The following COL23A1 variants were observed in gnomAD, a reference collection of about 807,000 sequenced individuals.
COL23A1 encodes the protein collagen alpha-1(XXIII) chain.
A neutral mutation model predicts 99.3 loss-of-function variants in COL23A1; 97 were observed. The observed-to-expected ratio is 0.98, with a 90% CI of 0.83 to 1.16. The LOEUF (loss-of-function observed/expected upper bound fraction) is 1.16. COL23A1 is among the 50% of genes most tolerant of loss of function. The probability of loss-of-function intolerance (pLI) is 0.00; values close to 1 mark genes in which losing one functional copy is unlikely to be tolerated. For missense variants in COL23A1, 762 were observed against 757.4 expected (o/e 1.01, Z -0.07); for synonymous variants, 320 against 308.2 (o/e 1.04, Z -0.40).
chr5:178,569,229 T>C (rs1762973479), intron 1 of COL23A1, among the ~76,000 whole-genome samples: 2 of 152,226 alleles, frequency 1.3e-5, no homozygotes, highest in African/African-American at 4.8e-5. Flanking sequence ...CCTTTGCCCA[T>C]GTTAAAATTG....
intron 2 of COL23A1, among the ~76,000 whole-genome samples, chr5:178,523,167 T>TAC (rs1562051551): frequency 7.2e-5 from 8 of 110,898 alleles, no homozygotes; most frequent in African/African-American, 2.2e-4. Flanking sequence ...TATATACATA[T>TAC]ATATATATAT....
intron 2 of COL23A1, among the ~76,000 whole-genome samples, chr5:178,397,983 G>T (rs371033857): frequency 1.7e-4 from 26 of 150,904 alleles, no homozygotes; most frequent in African/African-American, 5.1e-4. Flanking sequence ...GAGACTTCAT[G>T]TCAAAAAAAA....
chr5:178,356,911 T>TGC (rs974667597), intron 2 of COL23A1, among the ~76,000 whole-genome samples: 6 of 152,066 alleles, frequency 3.9e-5, no homozygotes, highest in Admixed American at 3.9e-4. Context: ...AGCACACCCG[T>TGC]GCCCACCTCT....
intron 2 of COL23A1, among the ~76,000 whole-genome samples, chr5:178,491,859 G>C (rs576872566): frequency 4.9e-4 from 74 of 151,954 alleles, no homozygotes; most frequent in South Asian, 1.9e-3. Flanking sequence ...CTCAGCCTCC[G>C]GAGTAGCTGG....
At chr5:178,322,168 A>G (rs141634604) in intron 2 of COL23A1, among the ~76,000 whole-genome samples, 20 of 151,318 alleles carry the variant, frequency 1.3e-4, no homozygotes, top group African/African-American at 4.4e-4. Context: ...AATTTTTTCT[A>G]TTTTTAGCAG....
chr5:178,289,419 G>A (rs1466587651), intron 4 of COL23A1, among the ~76,000 whole-genome samples: 4 of 152,148 alleles, frequency 2.6e-5, no homozygotes, highest in African/African-American at 7.2e-5. Flanking sequence ...GCCTCTGGCC[G>A]GCCAGGAGAA....
At chr5:178,336,639 C>T (rs1198183404) in intron 2 of COL23A1, among the ~76,000 whole-genome samples, 3 of 152,114 alleles carry the variant, frequency 2.0e-5, no homozygotes, top group Admixed American at 1.3e-4. Context: ...TGCTTTGGAA[C>T]GAGATACAAG....
chr5:178,541,209 AAG>A (rs1313327006), intron 2 of COL23A1, among the ~76,000 whole-genome samples: 1 of 152,224 alleles, frequency 6.6e-6, no homozygotes, highest in African/African-American at 2.4e-5. Context: ...ACTAAAAGAA[AAG>A]AGACAGAAAA....
intron 5 of COL23A1, among the ~76,000 whole-genome samples, chr5:178,287,629 C>T (rs1243162589): frequency 2.6e-5 from 4 of 152,204 alleles, no homozygotes; most frequent in African/African-American, 9.6e-5. Flanking sequence ...GCATTTCCCT[C>T]CCTGCATCTT....
intron 8 of COL23A1, among the ~76,000 whole-genome samples, chr5:178,266,329 C>A (rs1304543877): frequency 1.3e-5 from 2 of 152,128 alleles, no homozygotes; most frequent in Non-Finnish European, 2.9e-5. Flanking sequence ...GCATGAGCCA[C>A]CTCGCCCGGC....
At chr5:178,362,244 A>C (rs951471170) in intron 2 of COL23A1, among the ~76,000 whole-genome samples, 8 of 152,118 alleles carry the variant, frequency 5.3e-5, no homozygotes, top group Non-Finnish European at 1.0e-4. Flanking sequence ...CCAGAGCCCA[A>C]GTGAATGGAG....
At chr5:178,250,718 C>T (rs1403055623) in intron 17 of COL23A1, among the ~76,000 whole-genome samples, 2 of 67,900 alleles carry the variant, frequency 2.9e-5, no homozygotes, top group Middle Eastern at 8.6e-3. Flanking sequence ...CATGGTGGTT[C>T]ACACCTGTAA....
intron 3 of COL23A1, among the ~76,000 whole-genome samples, chr5:178,301,196 C>T (rs1758013746): frequency 6.6e-6 from 1 of 152,080 alleles, no homozygotes; most frequent in South Asian, 2.1e-4. Flanking sequence ...TTCTGTCGGC[C>T]CAAATCTACT....
chr5:178,491,706 T>C (rs531469313), intron 2 of COL23A1, among the ~76,000 whole-genome samples: 24 of 152,236 alleles, frequency 1.6e-4, no homozygotes, highest in Non-Finnish European at 3.4e-4. Flanking sequence ...TCTTGATTTT[T>C]TTTTCAATTT....
At chr5:178,447,089 T>C (rs147252409) in intron 2 of COL23A1, among the ~76,000 whole-genome samples, 1 of 145,438 alleles carries the variant, frequency 6.9e-6, no homozygotes, top group Non-Finnish European at 1.5e-5. Context: ...TTATTCTTTT[T>C]TTATTATTAT....
chr5:178,537,223 G>C (rs1024228440), intron 2 of COL23A1, among the ~76,000 whole-genome samples: 1 of 152,176 alleles, frequency 6.6e-6, no homozygotes, highest in Non-Finnish European at 1.5e-5. Flanking sequence ...CTCTTAGGGG[G>C]GTCTGGGGCT....
intron 2 of COL23A1, among the ~76,000 whole-genome samples, chr5:178,419,538 G>C (rs1278157012): frequency 6.6e-6 from 1 of 152,224 alleles, no homozygotes; most frequent in Non-Finnish European, 1.5e-5. Flanking sequence ...TTGTAGATGA[G>C]AAAGTGCTGG....
intron 2 of COL23A1, among the ~76,000 whole-genome samples, chr5:178,484,730 G>A (rs1581479578): frequency 1.3e-5 from 2 of 150,400 alleles, no homozygotes; most frequent in Non-Finnish European, 2.9e-5. Context: ...GCTGAGGCAG[G>A]AGAATGGTGT....
intron 2 of COL23A1, among the ~76,000 whole-genome samples, chr5:178,476,158 G>A (rs1417563012): frequency 6.6e-6 from 1 of 152,178 alleles, no homozygotes; most frequent in Admixed American, 6.5e-5. Context: ...CCTAGTGTAA[G>A]AACATGTCAA....
Sources: allele counts gnomAD v4.1 joint callset (sites outside exome capture counted in the v4.1 genomes callset), GRCh38; gene constraint gnomAD v4.1.1; transcripts MANE v1.5; gene names NCBI Gene and HGNC (gene_info 2026-07-23, HGNC 2026-07-21).